The following ARHGEF6 variants were observed in gnomAD, a reference collection of about 807,000 sequenced individuals.
ARHGEF6 encodes the protein Rac/Cdc42 guanine nucleotide exchange factor 6.
A neutral mutation model predicts 70.3 loss-of-function variants in ARHGEF6; 9 were observed. The observed-to-expected ratio is 0.13, with a 90% CI of 0.08 to 0.22. ARHGEF6 has a LOEUF of 0.22. Ranked by LOEUF, ARHGEF6 falls within the 10% of genes least tolerant of loss-of-function variation. ARHGEF6 has a pLI of 1.00. For missense variants in ARHGEF6, 470 were observed against 563.0 expected (o/e 0.83, Z 1.67); for synonymous variants, 201 against 207.8 (o/e 0.97, Z 0.28).
At chrX:136,744,838 A>AT (rs2077078768) in intron 4 of ARHGEF6, among the ~76,000 whole-genome samples, 1 of 112,384 alleles carries the variant, frequency 8.9e-6, no homozygotes, top group African/African-American at 3.2e-5. Context: ...AATAATAATG[A>AT]GGATACTAAT....
intron 5 of ARHGEF6, among the ~76,000 whole-genome samples, chrX:136,742,266 C>A (rs956011456): frequency 9.0e-6 from 1 of 111,548 alleles, no homozygotes; most frequent in East Asian, 2.8e-4. Context: ...GTGCAGCAAG[C>A]CGAGATTGCG....
rs773985944 is a variant in ARHGEF6, at chrX:136,741,524, T to C, written c.661+2061A>G. Among the ~76,000 whole-genome samples the C allele has an allele frequency of 5.1e-4, 56 of 108,805 alleles. 1 individual carries two copies. The highest frequency in any genetic ancestry group is 9.1e-4 in the Non-Finnish European group (48 of 52,628). The allele number at this position is 108,805 out of a possible 115,157, so 94.5% of individuals were successfully genotyped here. A position where few individuals can be genotyped will look rare whatever the true frequency, so the allele number is the denominator to read the frequency against. ...CAAAAGTTATACATGGATTTTCTTT[T>C]CTTTTTTTTTTTTTGTGTGTGTGTG... On this transcript the variant is annotated intron_variant, in intron 5 of 21. Transcript: ENST00000250617.
At chrX:136,692,469 G>A (rs780905594) in intron 9 of ARHGEF6, among the ~76,000 whole-genome samples, 2 of 111,521 alleles carry the variant, frequency 1.8e-5, no homozygotes, top group African/African-American at 3.3e-5. Flanking sequence ...TAGACTTGGA[G>A]TCATAAAAGA....
chrX:136,704,832 A>G (rs769602412), intron 9 of ARHGEF6, among the ~76,000 whole-genome samples: 3 of 111,791 alleles, frequency 2.7e-5, no homozygotes, highest in Non-Finnish European at 5.6e-5. Flanking sequence ...CAGATGCTCA[A>G]TATCATTATT....
intron 16 of ARHGEF6, among the ~76,000 whole-genome samples, chrX:136,678,385 A>G (rs2076300220): frequency 8.9e-6 from 1 of 112,127 alleles, no homozygotes; most frequent in African/African-American, 3.2e-5. Flanking sequence ...GTAACTATCA[A>G]GTGGCACTCC....
chrX:136,682,684 G>T, intron 13 of ARHGEF6, 74 bp downstream of exon 13: 1 of 800,528 alleles, frequency 1.2e-6, no homozygotes, highest in Non-Finnish European at 1.9e-6. Flanking sequence ...ATGCCATAGT[G>T]GAGATATTGC....
rs769610072 is a variant in ARHGEF6 at position 136,780,818 on chromosome X, T to C, written c.65A>G (p.Lys22Arg). 51 of 1,209,179 alleles carry C rather than the reference T, an allele frequency of 4.2e-5. No homozygotes were observed. The highest frequency in any genetic ancestry group is 5.5e-5 in the Non-Finnish European group (49 of 894,943). Residue 22 changes from lysine (K) to arginine (R), a missense_variant, in exon 1 of 22, where the codon AAG becomes AGG. Physicochemically the swap from Lys to Arg is conservative, Grantham distance 26. This residue lies in a region of ARHGEF6 where 379 missense variants were observed against 449.3 expected (regional missense o/e 0.84). Transcript: ENST00000250617. ...ISLGVLESPK[K>R]TICDPEEFLK... is the part of the protein sequence containing the mutation. ...AAACTCCTCCGGATCACAGATGGTC[T>C]TTTTAGGGGACTCTAAAACTCCCAA...
intron 9 of ARHGEF6, among the ~76,000 whole-genome samples, chrX:136,694,078 A>T: frequency 1.0e-5 from 1 of 98,739 alleles, no homozygotes; most frequent in African/African-American, 4.0e-5. Context: ...TTTTTGAGAC[A>T]GTCTTGCTCT....
rs761952185 is a variant in ARHGEF6 at position 136,685,738 on chromosome X, A to T, written c.1331T>A (p.Ile444Asn). The T allele has an allele frequency of 2.7e-5, 33 of 1,209,233 alleles. No individual in the cohort carries two copies. Among genetic ancestry groups the T allele is most frequent in the Non-Finnish European group, 3.4e-6 (3 of 894,407 alleles). ...EPIQAWEGEDIKNLGNVIFMS... is the reference protein window; with the variant it reads ...EPIQAWEGEDNKNLGNVIFMS... ...AAAAATCACATTTCCCAAGTTTTTA[A>T]TATCTTCTCCTTCCCATGCCTGAAT... Residue 444 changes from isoleucine (I) to asparagine (N), a missense_variant, in exon 12 of 22, where the codon ATT (isoleucine) becomes AAT (asparagine). Around this residue, in one of 3 missense-constraint regions of ARHGEF6, gnomAD observed 379 missense variants for 449.3 expected, o/e 0.84. Coordinates refer to ENST00000250617, the MANE Select transcript of ARHGEF6 (RefSeq NM_004840.3).
intron 14 of ARHGEF6, among the ~76,000 whole-genome samples, 167 bp from the exon 15 acceptor site, chrX:136,681,043 C>T (rs138815379): frequency 1.8e-5 from 2 of 112,330 alleles, no homozygotes; most frequent in Non-Finnish European, 3.8e-5. Flanking sequence ...AAACAGATAA[C>T]CTGTGATTAC....
chrX:136,671,273 G>A (rs1223931920), intron 20 of ARHGEF6, among the ~76,000 whole-genome samples: 1 of 111,580 alleles, frequency 9.0e-6, no homozygotes, highest in African/African-American at 3.3e-5. Flanking sequence ...TTTTGCTTGA[G>A]CCCAAGTACT....
At chrX:136,674,786 C>T (rs142742147) in intron 19 of ARHGEF6, among the ~76,000 whole-genome samples, 41 of 111,759 alleles carry the variant, frequency 3.7e-4, no homozygotes, top group Non-Finnish European at 6.2e-4. Context: ...TTTACTCTTG[C>T]ATCTCTCTTT....
At chrX:136,709,561 T>C (rs2076662135) in intron 7 of ARHGEF6, among the ~76,000 whole-genome samples, 1 of 112,940 alleles carries the variant, frequency 8.9e-6, no homozygotes, top group Non-Finnish European at 1.9e-5. Flanking sequence ...CATCCAAAGG[T>C]ACAAAGCCAG....
At chrX:136,752,599 A>G (rs1422249434) in intron 2 of ARHGEF6, among the ~76,000 whole-genome samples, 3 of 112,107 alleles carry the variant, frequency 2.7e-5, no homozygotes, top group Non-Finnish European at 5.6e-5. Context: ...AGAACTGGTC[A>G]TCTTTAATGT....
At chrX:136,714,493 C>T (rs185347952) in intron 6 of ARHGEF6, among the ~76,000 whole-genome samples, 6 of 112,361 alleles carry the variant, frequency 5.3e-5, no homozygotes, top group Non-Finnish European at 1.1e-4. Flanking sequence ...TCAACAAAAT[C>T]GACTGAGTGC....
chrX:136,772,805 G>A (rs906073463), intron 2 of ARHGEF6, among the ~76,000 whole-genome samples: 3 of 112,082 alleles, frequency 2.7e-5, no homozygotes, highest in East Asian at 2.8e-4. Context: ...CAAAGTTGCC[G>A]TGAGCCAAGA....
intron 2 of ARHGEF6, chrX:136,767,298 G>A: frequency 2.6e-6 from 2 of 754,833 alleles, no homozygotes; most frequent in Non-Finnish European, 3.1e-6. Context: ...CAACCCAGCC[G>A]GAGCTGGGAC....
chrX:136,701,905 C>T (rs1237254383), intron 9 of ARHGEF6, among the ~76,000 whole-genome samples: 2 of 109,286 alleles, frequency 1.8e-5, no homozygotes, highest in African/African-American at 6.7e-5. Context: ...GACAGGGTTT[C>T]GCTGTGTTAG....
At chrX:136,727,409 C>CTT (rs1297248225) in intron 6 of ARHGEF6, among the ~76,000 whole-genome samples, 1 of 93,861 alleles carries the variant, frequency 1.1e-5, no homozygotes, top group African/African-American at 4.1e-5. Flanking sequence ...CTCTCTCTCT[C>CTT]TCTCTTTCTT....
Sources: gnomAD v4.1 joint callset for allele counts (sites outside exome capture counted in the v4.1 genomes callset) on GRCh38, gnomAD v4.1.1 for gene constraint, gnomAD v4.1.1 regional missense constraint, MANE v1.5 for transcripts, NCBI Gene and HGNC (gene_info 2026-07-23, HGNC 2026-07-21) for gene names.